The following CSNK1G1 variants were observed in gnomAD, a reference collection of about 807,000 sequenced individuals.
The protein encoded by CSNK1G1 is casein kinase 1 gamma 1, also known as casein kinase I isoform gamma-1.
Under a neutral mutation model 59.6 loss-of-function variants are expected in CSNK1G1, and 22 were observed. The observed-to-expected ratio is 0.37, with a 90% confidence interval of 0.26 to 0.53. The LOEUF (loss-of-function observed/expected upper bound fraction) is 0.53. Among genes scored for constraint, CSNK1G1 ranks in the 20% least tolerant of loss-of-function variants. CSNK1G1 has a pLI of 0.89. For synonymous variants in CSNK1G1, 179 were observed against 177.1 expected, an observed-to-expected ratio of 1.01 and a Z score of -0.08; for missense variants, 384 against 519.5, an observed-to-expected ratio of 0.74 and a Z score of 2.54.
At chr15:64,321,492 G>A (rs1019641147) in intron 1 of CSNK1G1, among the ~76,000 whole-genome samples, 2 of 152,014 alleles carry the variant, frequency 1.3e-5, no homozygotes, top group African/African-American at 4.8e-5. Context: ...TCAAACTCTT[G>A]GATTCAAGCG....
intron 2 of CSNK1G1, among the ~76,000 whole-genome samples, chr15:64,296,481 T>G (rs1895028484): frequency 6.6e-6 from 1 of 152,208 alleles, no homozygotes. Flanking sequence ...ACCACTAGAC[T>G]GTGGTATTTG....
intron 1 of CSNK1G1, among the ~76,000 whole-genome samples, chr15:64,344,958 A>G (rs750970832): frequency 1.5e-4 from 23 of 152,222 alleles, no homozygotes; most frequent in Non-Finnish European, 2.6e-4. Flanking sequence ...GAGATAATGT[A>G]TCTCTGGAGA....
chr15:64,329,092 A>AC (rs1311075889), intron 1 of CSNK1G1, among the ~76,000 whole-genome samples: 2 of 151,228 alleles, frequency 1.3e-5, no homozygotes, highest in East Asian at 3.9e-4. Context: ...TTAACACCCT[A>AC]CTGTCAACAT....
At chr15:64,335,592 T>A (rs1897348750) in intron 1 of CSNK1G1, among the ~76,000 whole-genome samples, 1 of 152,222 alleles carries the variant, frequency 6.6e-6, no homozygotes, top group African/African-American at 2.4e-5. Context: ...ATTTCTTTCA[T>A]GAATATTTAC....
chr15:64,324,022 A>G (rs1896706952), intron 1 of CSNK1G1, among the ~76,000 whole-genome samples: 2 of 152,216 alleles, frequency 1.3e-5, no homozygotes, highest in South Asian at 4.1e-4. Context: ...TACTGTTACT[A>G]TAATTCTCAC....
intron 7 of CSNK1G1, among the ~76,000 whole-genome samples, chr15:64,205,562 C>G (rs1017949999): frequency 6.6e-6 from 1 of 152,176 alleles, no homozygotes; most frequent in Non-Finnish European, 1.5e-5. Context: ...GCTTCTGAAC[C>G]CTGGATCAAC....
chr15:64,215,541 G>A (rs984569237), intron 5 of CSNK1G1, among the ~76,000 whole-genome samples: 3 of 152,180 alleles, frequency 2.0e-5, no homozygotes, highest in Non-Finnish European at 4.4e-5. Flanking sequence ...TAGAGAAAGA[G>A]AAGCTCAGAT....
At chr15:64,280,534 G>A (rs1894068213) in intron 2 of CSNK1G1, among the ~76,000 whole-genome samples, 1 of 152,000 alleles carries the variant, frequency 6.6e-6, no homozygotes, top group Non-Finnish European at 1.5e-5. Flanking sequence ...CTAATTTTTT[G>A]TATTTTTAGT....
chr15:64,174,941 T>G (rs1381293447), intron 11 of CSNK1G1, among the ~76,000 whole-genome samples: 3 of 151,942 alleles, frequency 2.0e-5, no homozygotes, highest in Non-Finnish European at 2.9e-5. Context: ...TATCCTTTCA[T>G]GTGTATGTCT....
intron 1 of CSNK1G1, among the ~76,000 whole-genome samples, chr15:64,351,825 G>A (rs542165659): frequency 3.3e-4 from 50 of 152,268 alleles, no homozygotes; most frequent in African/African-American, 1.2e-3. Flanking sequence ...GCTGCAGTAA[G>A]CTGAGCCTGG....
intron 4 of CSNK1G1, among the ~76,000 whole-genome samples, chr15:64,241,549 G>A (rs1157432248): frequency 6.6e-6 from 1 of 152,178 alleles, no homozygotes; most frequent in Admixed American, 6.5e-5. Context: ...GACAGGCCAT[G>A]TGTTAGGCCT....
chr15:64,315,009 G>A (rs1362362885), intron 1 of CSNK1G1, among the ~76,000 whole-genome samples: 1 of 152,184 alleles, frequency 6.6e-6, no homozygotes, highest in East Asian at 1.9e-4. Flanking sequence ...GGTATTGCTG[G>A]ATCATGTAGT....
chr15:64,314,960 C>T (rs1204679553), intron 1 of CSNK1G1, among the ~76,000 whole-genome samples: 1 of 152,154 alleles, frequency 6.6e-6, no homozygotes, highest in Non-Finnish European at 1.5e-5. Context: ...ATCTCTTCAA[C>T]AAACTGATTT....
At chr15:64,344,839 A>T (rs959377030) in intron 1 of CSNK1G1, among the ~76,000 whole-genome samples, 1 of 152,210 alleles carries the variant, frequency 6.6e-6, no homozygotes, top group East Asian at 1.9e-4. Context: ...GACCATCTCC[A>T]TATTTTCTTT....
chr15:64,334,496 A>T (rs1376966618), intron 1 of CSNK1G1, among the ~76,000 whole-genome samples: 1 of 152,210 alleles, frequency 6.6e-6, no homozygotes, highest in African/African-American at 2.4e-5. Context: ...TATGCAATGA[A>T]ATAATTATTC....
Position 64,208,690 on chromosome 15 carries a change from C to T in CSNK1G1, c.680-1096G>A, listed in dbSNP as rs145759820. On this transcript the variant is annotated intron_variant, in intron 6 of 11. Transcript: ENST00000303052. ...GAATATAAGTGTGTGGAACCACACT[C>T]GGCTAATTTATTTATTTTTATTTTT... 2.6e-5 allele frequency among the ~76,000 whole-genome samples: 4 copies of T among 152,144 alleles called. No homozygotes were observed. The East Asian group carries it at 7.7e-4, about 29-fold the overall frequency.
chr15:64,241,217 T>C (rs1350841569), intron 4 of CSNK1G1, among the ~76,000 whole-genome samples: 1 of 150,666 alleles, frequency 6.6e-6, no homozygotes, highest in East Asian at 2.0e-4. Context: ...CAAGGAGGAG[T>C]AGATATATCA....
chr15:64,352,503 T>C (rs1217338236), intron 1 of CSNK1G1, among the ~76,000 whole-genome samples: 1 of 127,702 alleles, frequency 7.8e-6, no homozygotes, highest in Non-Finnish European at 1.6e-5. Flanking sequence ...CTGGAGTGAA[T>C]GGCACAATCT....
intron 1 of CSNK1G1, among the ~76,000 whole-genome samples, chr15:64,312,946 G>T (rs1322335457): frequency 6.6e-6 from 1 of 152,080 alleles, no homozygotes; most frequent in African/African-American, 2.4e-5. Flanking sequence ...GTGGGCAAAG[G>T]ATATAAACAG....
Sources: allele counts gnomAD v4.1 joint callset (sites outside exome capture counted in the v4.1 genomes callset), GRCh38; gene constraint gnomAD v4.1.1; transcripts MANE v1.5; gene names NCBI Gene and HGNC (gene_info 2026-07-23, HGNC 2026-07-21).